Variants in IL1RAPL2 observed in about 807,000 individuals in gnomAD.
IL1RAPL2 encodes interleukin 1 receptor accessory protein like 2, also known as X-linked interleukin-1 receptor accessory protein-like 2.
Under a neutral mutation model 44.1 loss-of-function variants are expected in IL1RAPL2, and 3 were observed. The observed-to-expected ratio is 0.07, with a 90% CI of 0.03 to 0.18. IL1RAPL2 has a LOEUF of 0.18. IL1RAPL2 is among the 10% of genes least tolerant of loss of function. The pLI is 1.00. For synonymous variants in IL1RAPL2, 181 were observed against 178.8 expected (o/e 1.01, Z -0.10); for missense variants, 391 against 496.4 (o/e 0.79, Z 2.02).
At chrX:105,206,744 T>C (rs1373904630) in intron 3 of IL1RAPL2, among the ~76,000 whole-genome samples, 2 of 112,039 alleles carry the variant, frequency 1.8e-5, no homozygotes, top group Non-Finnish European at 3.8e-5. Flanking sequence ...CTAGTCTTCT[T>C]GTTTTACCAA....
chrX:104,883,623 C>T (rs1325166122), intron 2 of IL1RAPL2, among the ~76,000 whole-genome samples: 2 of 111,571 alleles, frequency 1.8e-5, no homozygotes, highest in Non-Finnish European at 3.8e-5. Flanking sequence ...GCTAGTCCCA[C>T]TTCTAAAAAC....
chrX:104,883,547 A>G (rs773413440), intron 2 of IL1RAPL2, among the ~76,000 whole-genome samples: 7 of 111,255 alleles, frequency 6.3e-5, no homozygotes, highest in Non-Finnish European at 1.3e-4. Flanking sequence ...TATTCTATCT[A>G]TCTTGACCCT....
intron 2 of IL1RAPL2, among the ~76,000 whole-genome samples, chrX:104,672,108 T>C (rs1327071057): frequency 1.8e-5 from 2 of 111,632 alleles, no homozygotes; most frequent in African/African-American, 3.3e-5. Context: ...TCTTTCTTTT[T>C]TTTTTATACT....
chrX:104,985,583 A>C (rs1332285116), intron 2 of IL1RAPL2, among the ~76,000 whole-genome samples: 2 of 111,886 alleles, frequency 1.8e-5, no homozygotes, highest in Non-Finnish European at 3.8e-5. Context: ...TGGTTATTCC[A>C]ACCTGTTACT....
At chrX:104,980,900 G>A (rs1462159780) in intron 2 of IL1RAPL2, among the ~76,000 whole-genome samples, 2 of 111,078 alleles carry the variant, frequency 1.8e-5, no homozygotes, top group Non-Finnish European at 3.8e-5. Context: ...AATTGCTTTG[G>A]GCAATGTGAC....
chrX:104,966,435 A>G (rs1397000703), intron 2 of IL1RAPL2, among the ~76,000 whole-genome samples: 1 of 111,843 alleles, frequency 8.9e-6, no homozygotes, highest in African/African-American at 3.2e-5. Flanking sequence ...ATATTTTCAT[A>G]GCTATATTAT....
intron 2 of IL1RAPL2, among the ~76,000 whole-genome samples, chrX:104,673,662 G>A (rs1163497647): frequency 9.0e-6 from 1 of 110,913 alleles, no homozygotes; most frequent in African/African-American, 3.3e-5. Context: ...GATGGGGATG[G>A]TATTGAATCT....
At chrX:105,521,355 A>G (rs2036557196) in intron 6 of IL1RAPL2, among the ~76,000 whole-genome samples, 1 of 110,931 alleles carries the variant, frequency 9.0e-6, no homozygotes, top group African/African-American at 3.3e-5. Flanking sequence ...AAAAACAACA[A>G]CAGTGACAAT....
chrX:104,863,841 T>C (rs1316798556), intron 2 of IL1RAPL2, among the ~76,000 whole-genome samples: 1 of 112,207 alleles, frequency 8.9e-6, no homozygotes, highest in African/African-American at 3.2e-5. Flanking sequence ...AACTCCTCAG[T>C]TGAAGAGAAG....
intron 3 of IL1RAPL2, among the ~76,000 whole-genome samples, chrX:105,233,367 A>C (rs1359816198): frequency 1.8e-5 from 2 of 112,375 alleles, no homozygotes; most frequent in Non-Finnish European, 3.8e-5. Flanking sequence ...TTTAGTATAT[A>C]TTCTGTATCA....
chrX:104,676,614 T>A (rs1217995577), intron 2 of IL1RAPL2, among the ~76,000 whole-genome samples: 1 of 111,414 alleles, frequency 9.0e-6, no homozygotes, highest in African/African-American at 3.3e-5. Context: ...CTTTGTAGCG[T>A]TTTCTGTATT....
intron 10 of IL1RAPL2, chrX:105,765,456 A>C (rs2038722185): frequency 9.0e-6 from 1 of 111,701 alleles, no homozygotes; most frequent in Non-Finnish European, 1.9e-5. Context: ...TGAATGCATA[A>C]TCTCTAAAAT....
intron 10 of IL1RAPL2, among the ~76,000 whole-genome samples, chrX:105,761,957 C>A (rs1357815140): frequency 8.9e-6 from 1 of 111,824 alleles, no homozygotes. Context: ...AGGAGTAAGA[C>A]CACATAGAAA....
chrX:105,545,014 G>A (rs142877037), intron 6 of IL1RAPL2, among the ~76,000 whole-genome samples: 2,110 of 111,128 alleles, frequency 0.019, 46 homozygotes, highest in African/African-American at 0.065. Context: ...CCTCTTTTTT[G>A]TATTGTTGCT....
chrX:105,339,102 C>G (rs1466765529), intron 5 of IL1RAPL2, among the ~76,000 whole-genome samples: 1 of 111,188 alleles, frequency 9.0e-6, no homozygotes, highest in African/African-American at 3.3e-5. Context: ...GACTCCATCT[C>G]AAACAAACAA....
intron 2 of IL1RAPL2, among the ~76,000 whole-genome samples, chrX:105,033,302 C>T (rs2031549475): frequency 9.0e-6 from 1 of 111,570 alleles, no homozygotes; most frequent in South Asian, 3.7e-4. Flanking sequence ...TTAGTTGATG[C>T]AGTTTCTTCC....
chrX:105,412,709 G>T (rs2035706190), intron 5 of IL1RAPL2, among the ~76,000 whole-genome samples: 1 of 111,483 alleles, frequency 9.0e-6, no homozygotes, highest in Non-Finnish European at 1.9e-5. Context: ...TCACTGCAAA[G>T]AATTATAAAC....
chrX:104,727,613 T>C (rs1033984091), intron 2 of IL1RAPL2, among the ~76,000 whole-genome samples: 5 of 111,091 alleles, frequency 4.5e-5, no homozygotes, highest in Non-Finnish European at 9.5e-5. Context: ...AAATCATTTG[T>C]ATAAAAAGAT....
chrX:105,289,180 G>A (rs2034594133), intron 5 of IL1RAPL2, among the ~76,000 whole-genome samples: 1 of 111,275 alleles, frequency 9.0e-6, no homozygotes, highest in African/African-American at 3.3e-5. Context: ...GGAACAACCA[G>A]GAGGCTGGAG....
Sources: gnomAD v4.1 joint callset for allele counts (sites outside exome capture counted in the v4.1 genomes callset) on GRCh38, gnomAD v4.1.1 for gene constraint, MANE v1.5 for transcripts, NCBI Gene and HGNC (gene_info 2026-07-23, HGNC 2026-07-21) for gene names.